The following MEIKIN variants were observed in gnomAD, a reference collection of about 807,000 sequenced individuals.
MEIKIN encodes the protein meiosis-specific kinetochore protein.
At chr5:131,883,786 T>C (rs1750734195) in intron 8 of MEIKIN, among the ~76,000 whole-genome samples, 1 of 152,196 alleles carries the variant, frequency 6.6e-6, no homozygotes, top group South Asian at 2.1e-4. Flanking sequence ...CAGTCTTGAA[T>C]CACCAATGCC....
rs147772931 is a variant in MEIKIN at position 131,824,307 on chromosome 5, G to A, written c.976-5444C>T. ...AAGTGGGAGGATCACTTGAGGCCAG[G>A]AGTTCAAGACCAGCCTAGGCAGCAT... is the stretch of plus-strand genomic sequence containing the variant. On this transcript the variant is annotated intron_variant, in intron 11 of 12. Transcript: ENST00000442687. Among the ~76,000 whole-genome samples, 820 of 151,910 alleles carry A rather than the reference G, an allele frequency of 5.4e-3. 11 individuals carry two copies. Among genetic ancestry groups the A allele is most frequent in the African/African-American group, 0.019 (795 of 41,406 alleles).
chr5:131,859,126 G>T (rs1038652655), intron 9 of MEIKIN, among the ~76,000 whole-genome samples: 8 of 152,152 alleles, frequency 5.3e-5, no homozygotes, highest in African/African-American at 1.9e-4. Context: ...ACCTGCACAC[G>T]TATGTTCAAT....
At chr5:131,928,376 A>G (rs879664034) in intron 5 of MEIKIN, among the ~76,000 whole-genome samples, 1 of 151,974 alleles carries the variant, frequency 6.6e-6, no homozygotes, top group Admixed American at 6.6e-5. Flanking sequence ...TGCTTTTTGT[A>G]TATATCGATA....
chr5:131,839,900 T>A (rs762931246), intron 11 of MEIKIN, among the ~76,000 whole-genome samples: 2 of 152,184 alleles, frequency 1.3e-5, no homozygotes, highest in African/African-American at 2.4e-5. Context: ...CATGATGTTA[T>A]CTGGTTATTA....
At chr5:131,845,427 A>T (rs1750001133) in intron 11 of MEIKIN, among the ~76,000 whole-genome samples, 1 of 151,942 alleles carries the variant, frequency 6.6e-6, no homozygotes, top group Non-Finnish European at 1.5e-5. Flanking sequence ...GGTACATTCA[A>T]ATGGAAAAGA....
chr5:131,837,791 T>C (rs546471038), intron 11 of MEIKIN, among the ~76,000 whole-genome samples: 1 of 152,174 alleles, frequency 6.6e-6, no homozygotes, highest in Non-Finnish European at 1.5e-5. Context: ...TATATGATCA[T>C]GTAGTCAGCA....
intron 8 of MEIKIN, among the ~76,000 whole-genome samples, chr5:131,891,264 T>C (rs988939348): frequency 6.6e-6 from 1 of 152,118 alleles, no homozygotes; most frequent in South Asian, 2.1e-4. Flanking sequence ...TCAATTCCTG[T>C]ATGTCCTTGT....
At chr5:131,825,220 C>A (rs778274823) in intron 11 of MEIKIN, among the ~76,000 whole-genome samples, 1 of 151,956 alleles carries the variant, frequency 6.6e-6, no homozygotes, top group Non-Finnish European at 1.5e-5. Flanking sequence ...TCATCATCAT[C>A]CACTTATGTA....
intron 10 of MEIKIN, among the ~76,000 whole-genome samples, chr5:131,854,534 A>G (rs1750163569): frequency 6.6e-6 from 1 of 152,116 alleles, no homozygotes; most frequent in Non-Finnish European, 1.5e-5. Flanking sequence ...AAAGGAAAAA[A>G]CAGAAGAATC....
rs1318387624 is a variant in MEIKIN, at chr5:131,927,487, T to C, written c.479-5546A>G. ...ATACATGTTAGGTCCATGTTGTCTA[T>C]AGCGCTGTTCAAGTCTGCTGTTTGC... is the stretch of plus-strand genomic sequence containing the variant. On this transcript the variant is annotated intron_variant, in intron 5 of 12. Coordinates refer to ENST00000442687, the MANE Select transcript of MEIKIN (RefSeq NM_001303622.2). 3.3e-5 allele frequency among the ~76,000 whole-genome samples: 5 copies of C among 152,230 alleles called. No individual in the cohort carries two copies. The East Asian group carries it at 5.8e-4, about 18-fold the overall frequency.
At chr5:131,901,726 A>G (rs1185793166) in intron 8 of MEIKIN, among the ~76,000 whole-genome samples, 1 of 152,132 alleles carries the variant, frequency 6.6e-6, no homozygotes, top group Non-Finnish European at 1.5e-5. Context: ...AGAGGTCCTG[A>G]GCTGAGCCTT....
chr5:131,877,397 C>T (rs1303370074), intron 9 of MEIKIN, among the ~76,000 whole-genome samples: 1 of 152,150 alleles, frequency 6.6e-6, no homozygotes, highest in African/African-American at 2.4e-5. Context: ...TGTACCAACA[C>T]TTTGGGAGGT....
intron 9 of MEIKIN, among the ~76,000 whole-genome samples, chr5:131,872,580 T>C (rs575799615): frequency 3.7e-4 from 56 of 152,304 alleles, no homozygotes; most frequent in African/African-American, 1.3e-3. Context: ...CTCTGCAGGA[T>C]ATTATCCAGG....
At chr5:131,834,139 G>A (rs1249975850) in intron 11 of MEIKIN, among the ~76,000 whole-genome samples, 1 of 152,184 alleles carries the variant, frequency 6.6e-6, no homozygotes, top group Non-Finnish European at 1.5e-5. Context: ...TTTTGGTTTG[G>A]AAGGAGAGGT....
intron 8 of MEIKIN, among the ~76,000 whole-genome samples, chr5:131,902,925 C>G (rs1751183295): frequency 6.6e-6 from 1 of 152,088 alleles, no homozygotes; most frequent in African/African-American, 2.4e-5. Flanking sequence ...GATACCAGAG[C>G]TGATAGACAA....
At chr5:131,850,166 G>C (rs1750088063) in intron 11 of MEIKIN, among the ~76,000 whole-genome samples, 1 of 151,690 alleles carries the variant, frequency 6.6e-6, no homozygotes, top group Admixed American at 6.6e-5. Context: ...ATAAAACATT[G>C]GTAAAATAAA....
At chr5:131,829,979 T>A (rs1011583405) in intron 11 of MEIKIN, among the ~76,000 whole-genome samples, 3 of 152,240 alleles carry the variant, frequency 2.0e-5, no homozygotes, top group Non-Finnish European at 2.9e-5. Flanking sequence ...TGTTACAGCA[T>A]CTTTAAAGCA....
chr5:131,895,675 T>A (rs1479966890), intron 8 of MEIKIN, among the ~76,000 whole-genome samples: 2 of 152,244 alleles, frequency 1.3e-5, no homozygotes, highest in African/African-American at 4.8e-5. Context: ...TTTATTTGCA[T>A]AGAGGTGTTT....
At chr5:131,887,775 G>C (rs909731935) in intron 8 of MEIKIN, among the ~76,000 whole-genome samples, 4 of 150,942 alleles carry the variant, frequency 2.7e-5, no homozygotes, top group African/African-American at 4.9e-5. Context: ...TGTTACATAT[G>C]TATACATGTG....
Sources: allele counts gnomAD v4.1 joint callset (sites outside exome capture counted in the v4.1 genomes callset), GRCh38; gene constraint gnomAD v4.1.1; transcripts MANE v1.5; gene names NCBI Gene and HGNC (gene_info 2026-07-23, HGNC 2026-07-21).